The following IGF2BP3 variants were observed in gnomAD, a reference collection of about 807,000 sequenced individuals.
IGF2BP3 encodes the protein insulin like growth factor 2 mRNA binding protein 3.
In IGF2BP3, 9 loss-of-function variants were observed where a neutral mutation model predicts 73.8. The observed-to-expected ratio is 0.12, with a 90% confidence interval of 0.07 to 0.21. The LOEUF is 0.21. Ranked by LOEUF, IGF2BP3 falls within the 10% of genes least tolerant of loss-of-function variation. The probability of loss-of-function intolerance (pLI) is 1.00; values close to 1 mark genes in which losing one functional copy is unlikely to be tolerated. For missense variants in IGF2BP3, 542 were observed against 714.0 expected, an observed-to-expected ratio of 0.76 and a Z score of 2.75; for synonymous variants, 258 against 256.7, an observed-to-expected ratio of 1.01 and a Z score of -0.05.
intron 10 of IGF2BP3, among the ~76,000 whole-genome samples, chr7:23,329,797 C>T (rs892426731): frequency 6.6e-6 from 1 of 152,174 alleles, no homozygotes; most frequent in Non-Finnish European, 1.5e-5. Context: ...TTGTACCCCA[C>T]AACAGATCCA....
At position 23,343,822 on chromosome 7, in the gene IGF2BP3, G is replaced by A. The variant is rs1784768773; in HGVS notation, c.973C>T (p.Arg325Cys). The change falls in exon 9 of 15, where the codon CGC becomes TGC. Residue 325 changes from arginine to cysteine, a missense_variant. By Grantham distance (180) the Arg-to-Cys change is radical. This residue lies in a region of IGF2BP3 where 303 missense variants were observed against 472.1 expected (regional missense o/e 0.64). Transcript: ENST00000258729. ...ACATTGCCTTTAACTGTAATAGTGC[G>A]TTCTGGATTATACAGCGTCAATTCC... The part of the protein sequence containing the change: ...LQELTLYNPE[R>C]TITVKGNVET... The A allele has an allele frequency of 3.1e-6, 5 of 1,612,644 alleles. No individual in the cohort carries two copies. Among genetic ancestry groups the A allele is most frequent in the African/African-American group, 1.3e-5 (1 of 75,004 alleles).
chr7:23,320,082 T>C (rs934387141), intron 10 of IGF2BP3, among the ~76,000 whole-genome samples: 5 of 152,022 alleles, frequency 3.3e-5, no homozygotes, highest in Non-Finnish European at 5.9e-5. Context: ...GGCTAATTTT[T>C]TTTTTTTTTT....
At chr7:23,368,795 G>A (rs1202387960) in intron 3 of IGF2BP3, among the ~76,000 whole-genome samples, 1 of 151,946 alleles carries the variant, frequency 6.6e-6, no homozygotes, top group African/African-American at 2.4e-5. Flanking sequence ...TACTCGGGAC[G>A]CTGAGGCAGG....
intron 7 of IGF2BP3, among the ~76,000 whole-genome samples, chr7:23,347,055 G>C (rs149695286): frequency 8.5e-5 from 13 of 152,048 alleles, no homozygotes; most frequent in African/African-American, 3.1e-4. Flanking sequence ...CCTTACTCTC[G>C]ATTCTACTTT....
intron 2 of IGF2BP3, among the ~76,000 whole-genome samples, chr7:23,420,459 CAG>C (rs1217192638): frequency 2.0e-5 from 3 of 151,734 alleles, no homozygotes; most frequent in African/African-American, 7.3e-5. Context: ...GCCTGGGCAA[CAG>C]AGTGACAACC....
At chr7:23,383,212 C>T (rs1186487130) in intron 3 of IGF2BP3, among the ~76,000 whole-genome samples, 3 of 152,086 alleles carry the variant, frequency 2.0e-5, no homozygotes, top group East Asian at 1.9e-4. Context: ...AATCAGGACA[C>T]GTAGGCTGAT....
intron 3 of IGF2BP3, among the ~76,000 whole-genome samples, chr7:23,364,570 AAG>A (rs1785320438): frequency 1.4e-5 from 2 of 144,122 alleles, no homozygotes; most frequent in African/African-American, 2.6e-5. Flanking sequence ...AAAAAAAAAA[AAG>A]CGGGAGGTTG....
chr7:23,323,951 G>A (rs1419824445), intron 10 of IGF2BP3, among the ~76,000 whole-genome samples: 4 of 151,812 alleles, frequency 2.6e-5, no homozygotes, highest in Admixed American at 6.6e-5. Context: ...AGCACTAAAT[G>A]CCCACAAGAG....
intron 8 of IGF2BP3, among the ~76,000 whole-genome samples, 183 bp from the exon 9 acceptor site, chr7:23,344,036 AAG>A (rs1225925974): frequency 6.6e-5 from 10 of 152,356 alleles, no homozygotes; most frequent in African/African-American, 2.4e-4. Flanking sequence ...GTAAAGCTGC[AAG>A]AGAGAAGAAA....
chr7:23,370,639 T>C (rs905715085), intron 3 of IGF2BP3, among the ~76,000 whole-genome samples: 4 of 152,024 alleles, frequency 2.6e-5, no homozygotes, highest in Non-Finnish European at 5.9e-5. Context: ...ATTTTTTTGT[T>C]CTACAGGGCA....
At chr7:23,455,736 A>G (rs1208020397) in intron 2 of IGF2BP3, among the ~76,000 whole-genome samples, 2 of 152,154 alleles carry the variant, frequency 1.3e-5, no homozygotes, top group Non-Finnish European at 2.9e-5. Flanking sequence ...CCCAGGCTGG[A>G]GTGCGGTGGC....
At chr7:23,364,546 T>TGA (rs1562702077) in intron 3 of IGF2BP3, among the ~76,000 whole-genome samples, 1 of 31,582 alleles carries the variant, frequency 3.2e-5, no homozygotes, top group Non-Finnish European at 4.9e-5. Flanking sequence ...AGACTTTGTG[T>TGA]CAAAAAAAAA....
At chr7:23,392,290 G>C (rs531762028) in intron 3 of IGF2BP3, among the ~76,000 whole-genome samples, 51 of 151,782 alleles carry the variant, frequency 3.4e-4, no homozygotes, top group African/African-American at 1.2e-3. Context: ...CCTCAAATGA[G>C]AAAGGCAACA....
intron 10 of IGF2BP3, among the ~76,000 whole-genome samples, chr7:23,321,778 C>T (rs1784160400): frequency 6.6e-6 from 1 of 152,228 alleles, no homozygotes; most frequent in East Asian, 1.9e-4. Context: ...GACCCCCAAG[C>T]AGCCTAACTG....
chr7:23,325,600 A>G (rs1414046405), intron 10 of IGF2BP3, among the ~76,000 whole-genome samples: 3 of 152,244 alleles, frequency 2.0e-5, no homozygotes, highest in African/African-American at 7.2e-5. Context: ...ACCAAAAAAG[A>G]GCCCGCATTG....
At chr7:23,462,378 T>C (rs1020558545) in intron 2 of IGF2BP3, among the ~76,000 whole-genome samples, 23 of 152,044 alleles carry the variant, frequency 1.5e-4, no homozygotes, top group Non-Finnish European at 2.6e-4. Flanking sequence ...TTTTTTTTTT[T>C]TGAGACGGAG....
chr7:23,400,887 C>T (rs891006698), intron 3 of IGF2BP3, among the ~76,000 whole-genome samples: 2 of 152,222 alleles, frequency 1.3e-5, no homozygotes, highest in Admixed American at 6.5e-5. Flanking sequence ...GCAGTATCCA[C>T]CTCCTGGGTT....
chr7:23,376,289 G>C (rs1047540610), intron 3 of IGF2BP3, among the ~76,000 whole-genome samples: 8 of 152,260 alleles, frequency 5.3e-5, no homozygotes, highest in African/African-American at 1.7e-4. Context: ...AGGCGCGGTG[G>C]CTCACGCCTG....
At chr7:23,388,607 C>CTTTT (rs35723715) in intron 3 of IGF2BP3, among the ~76,000 whole-genome samples, 9 of 124,018 alleles carry the variant, frequency 7.3e-5, no homozygotes, top group East Asian at 2.4e-4. Flanking sequence ...TCTTCTCCAT[C>CTTTT]TTTTTTTTTT....
Sources: gnomAD v4.1 joint callset for allele counts (sites outside exome capture counted in the v4.1 genomes callset) on GRCh38, gnomAD v4.1.1 for gene constraint, gnomAD v4.1.1 regional missense constraint, MANE v1.5 for transcripts, NCBI Gene and HGNC (gene_info 2026-07-23, HGNC 2026-07-21) for gene names.